FGF13: variants seen among roughly 807,000 people sequenced by gnomAD.
FGF13 encodes fibroblast growth factor homologous factor 2.
Under a neutral mutation model 19.5 loss-of-function variants are expected in FGF13, and 2 were observed. The observed-to-expected ratio is 0.10, with a 90% CI of 0.04 to 0.32. The LOEUF is 0.32. Ranked by LOEUF, FGF13 falls within the 10% of genes least tolerant of loss-of-function variation. The pLI is 1.00. For missense variants in FGF13, 113 were observed against 192.7 expected (o/e 0.59, Z 2.45); for synonymous variants, 72 against 76.9 (o/e 0.94, Z 0.33).
intron 1 of FGF13, among the ~76,000 whole-genome samples, chrX:139,157,622 C>T (rs781663345): frequency 1.8e-5 from 2 of 112,722 alleles, no homozygotes; most frequent in African/African-American, 6.5e-5. Context: ...GCCTCCAGAA[C>T]CATGAGTTAA....
In FGF13 at chrX:139,138,759, C is replaced by A. The variant is rs769093680; in HGVS notation, c.-113+64657G>T. On this transcript the variant is annotated intron_variant, in intron 1 of 2. Coordinates refer to the FGF13 transcript ENST00000421460. ...GCACTTTCATATCTGATCCTCCTGG[C>A]AACCTTTTTAAAATGATTCTCACTT... 1.3e-3 allele frequency among the ~76,000 whole-genome samples: 140 copies of A among 110,900 alleles called. 1 individual carries two copies. Among genetic ancestry groups the A allele is most frequent in the African/African-American group, 4.3e-3 (130 of 30,524 alleles).
intron 3 of FGF13, among the ~76,000 whole-genome samples, chrX:138,812,794 G>A (rs754824371): frequency 2.7e-5 from 3 of 110,998 alleles, no homozygotes; most frequent in Middle Eastern, 4.6e-3. Context: ...ATAGGTATAC[G>A]TGTGCCATGG....
At position 138,625,534 on chromosome X, in the gene FGF13, AGC is replaced by A. The variant is rs1273188284; in HGVS notation, c.*7314_*7315del. ...ATAATATAATATATATATATATCTT[AGC>A]CATATAAAGAGGGAGCTCCTTCCAT... On this transcript the variant is annotated 3_prime_UTR_variant, in exon 5 of 5. Transcript: ENST00000315930. 5.4e-5 allele frequency: 5 copies of A among 91,835 alleles called. No individual in the cohort carries two copies. The highest frequency in any genetic ancestry group is 1.4e-4 in the Admixed American group (1 of 6,931). 7.6% of individuals were successfully genotyped at this position (91,835 alleles called of 1,213,427 possible). A position where few individuals can be genotyped will look rare whatever the true frequency, so the allele number is the denominator to read the frequency against.
chrX:138,635,580 A>G lies in FGF13; in HGVS notation c.478T>C (p.Tyr160His). ...NYYVTYSSMIYRQQQSGRGWY... is the reference protein window; with the variant it reads ...NYYVTYSSMIHRQQQSGRGWY... ...CCTCGGCCTGACTGCTGCTGACGGTATATCATTGATGAATATGTCACATAA... is the reference window on the plus strand; with the variant it reads ...CCTCGGCCTGACTGCTGCTGACGGTGTATCATTGATGAATATGTCACATAA... Residue 160 changes from tyrosine to histidine, a missense_variant, in exon 4 of 5, where the codon TAC becomes CAC. By Grantham distance (83) the Tyr-to-His change is moderately conservative. Transcript: ENST00000315930. 1.7e-6 allele frequency: 2 copies of G among 1,209,132 alleles called. No homozygotes were observed. Among genetic ancestry groups the G allele is most frequent in the South Asian group, 1.8e-5 (1 of 56,910 alleles).
intron 1 of FGF13, among the ~76,000 whole-genome samples, chrX:138,889,856 C>A (rs945995619): frequency 9.0e-6 from 1 of 110,752 alleles, no homozygotes; most frequent in Non-Finnish European, 1.9e-5. Context: ...GAGAGAGAGG[C>A]TAGATGTTAG....
intron 3 of FGF13, among the ~76,000 whole-genome samples, chrX:138,661,660 T>C (rs1276121167): frequency 8.9e-6 from 1 of 111,765 alleles, no homozygotes; most frequent in Non-Finnish European, 1.9e-5. Context: ...TCAGAGTACT[T>C]TGGTAAAAGA....
At chrX:139,034,536 A>C (rs1285522796) in intron 1 of FGF13, among the ~76,000 whole-genome samples, 1 of 111,233 alleles carries the variant, frequency 9.0e-6, no homozygotes, top group African/African-American at 3.3e-5. Flanking sequence ...CGAAAGTTGA[A>C]AAAGTAAATA....
At chrX:138,887,005 C>A (rs764583405) in intron 1 of FGF13, among the ~76,000 whole-genome samples, 1 of 111,604 alleles carries the variant, frequency 9.0e-6, no homozygotes, top group African/African-American at 3.3e-5. Flanking sequence ...GTGTCATCTA[C>A]TTTGTTCTAG....
intron 1 of FGF13, among the ~76,000 whole-genome samples, chrX:138,907,192 A>C (rs2091562892): frequency 9.0e-6 from 1 of 111,605 alleles, no homozygotes. Context: ...AGCTCAGCTT[A>C]ACTAAGGGAA....
At chrX:138,918,774 A>T (rs752633890) in intron 1 of FGF13, among the ~76,000 whole-genome samples, 53 of 112,021 alleles carry the variant, frequency 4.7e-4, no homozygotes, top group African/African-American at 1.7e-3. Context: ...ACAAGTCTTG[A>T]GGAATGTAAT....
downstream of FGF13, among the ~76,000 whole-genome samples, chrX:138,854,265 C>T (rs760906033): frequency 1.8e-5 from 2 of 111,376 alleles, no homozygotes; most frequent in South Asian, 7.5e-4. Flanking sequence ...CACTGAAAAT[C>T]GCAAATGTTT....
intron 1 of FGF13, among the ~76,000 whole-genome samples, chrX:138,736,636 T>TA (rs113724477): frequency 0.01 from 1,099 of 109,130 alleles, 18 homozygotes; most frequent in South Asian, 0.043. Context: ...GGATTATTGA[T>TA]AAAAAAAAAT....
At chrX:139,194,163 G>A (rs1417996157) in intron 1 of FGF13, among the ~76,000 whole-genome samples, 3 of 109,002 alleles carry the variant, frequency 2.8e-5, no homozygotes, top group Non-Finnish European at 3.8e-5. Context: ...ATTATTTAAC[G>A]ACATAAAATA....
chrX:138,938,933 T>C (rs1308068705), intron 1 of FGF13, among the ~76,000 whole-genome samples: 1 of 111,468 alleles, frequency 9.0e-6, no homozygotes. Context: ...TGGGGTGCAA[T>C]GCAAGGCAAG....
chrX:138,953,602 CTGCA>C (rs2091825768), intron 1 of FGF13, among the ~76,000 whole-genome samples: 1 of 111,544 alleles, frequency 9.0e-6, no homozygotes, highest in Non-Finnish European at 1.9e-5. Flanking sequence ...AAACATCTGT[CTGCA>C]AAAATACCTG....
At chrX:139,037,328 A>C (rs775518359) in intron 1 of FGF13, among the ~76,000 whole-genome samples, 1 of 111,446 alleles carries the variant, frequency 9.0e-6, no homozygotes, top group Non-Finnish European at 1.9e-5. Flanking sequence ...ATTGCTGTGA[A>C]TATTGAAAGA....
intron 1 of FGF13, among the ~76,000 whole-genome samples, chrX:139,191,236 G>A (rs2084326890): frequency 8.9e-6 from 1 of 112,153 alleles, no homozygotes; most frequent in Non-Finnish European, 1.9e-5. Flanking sequence ...AGATCCTGGG[G>A]AGATGCCTCT....
At chrX:138,984,585 AAGAAGGAGGAGG>A (rs1289446209) in intron 1 of FGF13, among the ~76,000 whole-genome samples, 7 of 18,338 alleles carry the variant, frequency 3.8e-4, no homozygotes, top group African/African-American at 9.7e-4. Flanking sequence ...GAAGAAGAAG[AAGAAGGAGGAGG>A]AGGAGGAGGA....
intron 1 of FGF13, among the ~76,000 whole-genome samples, chrX:138,717,619 GTTTGT>G (rs896036616): frequency 5.4e-5 from 6 of 110,539 alleles, no homozygotes; most frequent in Admixed American, 9.6e-5. Flanking sequence ...GTTGTTGTTG[GTTTGT>G]TTTGTTTTGT....
Sources: gnomAD v4.1 joint callset for allele counts (sites outside exome capture counted in the v4.1 genomes callset) on GRCh38, gnomAD v4.1.1 for gene constraint, MANE v1.5 for transcripts, NCBI Gene and HGNC (gene_info 2026-07-23, HGNC 2026-07-21) for gene names.